The following MYO3B variants were observed in gnomAD, a reference collection of about 807,000 sequenced individuals.
MYO3B encodes the protein myosin-IIIb.
A neutral mutation model predicts 174.6 loss-of-function variants in MYO3B; 156 were observed. That is an observed-to-expected ratio of 0.89 (90% CI 0.78 to 1.02). The LOEUF (loss-of-function observed/expected upper bound fraction) is 1.02. MYO3B is among the 50% of genes least tolerant of loss of function. MYO3B has a pLI of 0.00. For missense variants in MYO3B, 1,632 were observed against 1,639.4 expected, an observed-to-expected ratio of 1.00 and a Z score of 0.08; for synonymous variants, 563 against 569.1, an observed-to-expected ratio of 0.99 and a Z score of 0.15.
intron 32 of MYO3B, among the ~76,000 whole-genome samples, chr2:170,570,064 G>T (rs904386447): frequency 1.3e-5 from 2 of 152,158 alleles, no homozygotes; most frequent in Non-Finnish European, 2.9e-5. Flanking sequence ...AACTAGAAGA[G>T]GGTTAAGGAG....
chr2:170,546,974 C>G (rs1403050575), intron 32 of MYO3B, among the ~76,000 whole-genome samples: 1 of 152,120 alleles, frequency 6.6e-6, no homozygotes, highest in Admixed American at 6.6e-5. Flanking sequence ...AGAGCAGCCA[C>G]TCAAATAAGT....
At chr2:170,554,560 C>T (rs1336120733) in intron 32 of MYO3B, among the ~76,000 whole-genome samples, 2 of 152,224 alleles carry the variant, frequency 1.3e-5, no homozygotes, top group Admixed American at 6.5e-5. Context: ...TCAGGAAAAA[C>T]CTTTCACAGC....
At chr2:170,234,366 C>T (rs1559322308) in intron 6 of MYO3B, among the ~76,000 whole-genome samples, 1 of 152,088 alleles carries the variant, frequency 6.6e-6, no homozygotes, top group South Asian at 2.1e-4. Flanking sequence ...CATACTATGT[C>T]CTCACATGGC....
intron 33 of MYO3B, 59 bp downstream of exon 33, chr2:170,651,793 G>A: frequency 1.4e-6 from 2 of 1,421,868 alleles, no homozygotes; most frequent in Middle Eastern, 1.8e-4. Context: ...TAATAATTCT[G>A]TTATTACTAC....
Position 170,515,118 on chromosome 2 carries a change from C to G in MYO3B, c.3472+96C>G. ...AAGTGATCACCTCTTATATAAGAACCTTCTGTCCACCACTCCTTCTTTTTT... is the reference window on the plus strand; with the variant it reads ...AAGTGATCACCTCTTATATAAGAACGTTCTGTCCACCACTCCTTCTTTTTT... On this transcript the variant is annotated intron_variant, in intron 29 of 34. Coordinates refer to ENST00000408978, the MANE Select transcript of MYO3B (RefSeq NM_138995.5). The G allele has an allele frequency of 3.1e-6, 3 of 982,148 alleles. No individual in the cohort carries two copies. The East Asian group carries it at 7.9e-5, about 26-fold the overall frequency. The allele number at this position is 982,148 out of a possible 1,614,324, so 60.8% of individuals were successfully genotyped here.
intron 6 of MYO3B, among the ~76,000 whole-genome samples, chr2:170,233,978 C>T (rs1389101649): frequency 6.6e-6 from 1 of 151,454 alleles, no homozygotes; most frequent in Non-Finnish European, 1.5e-5. Context: ...GAGACCATCC[C>T]GGCTATAACG....
chr2:170,571,288 C>T (rs75598319), intron 32 of MYO3B, among the ~76,000 whole-genome samples: 1,983 of 152,176 alleles, frequency 0.013, 30 homozygotes, highest in East Asian at 0.047. Flanking sequence ...GTTATGTACA[C>T]GATGAAATGG....
intron 25 of MYO3B, among the ~76,000 whole-genome samples, chr2:170,483,899 T>C (rs1388569889): frequency 6.6e-6 from 1 of 152,084 alleles, no homozygotes; most frequent in Non-Finnish European, 1.5e-5. Context: ...TTGGAATCCC[T>C]CCCAACATGG....
intron 32 of MYO3B, among the ~76,000 whole-genome samples, chr2:170,572,044 G>A (rs1001441893): frequency 6.6e-6 from 1 of 152,150 alleles, no homozygotes; most frequent in Admixed American, 6.6e-5. Context: ...AGGAGCAGTG[G>A]CTCACCTCCT....
chr2:170,384,004 A>G, intron 12 of MYO3B, 190 bp downstream of exon 12: 2 of 523,720 alleles, frequency 3.8e-6, no homozygotes, highest in Non-Finnish European at 6.8e-6. Flanking sequence ...AGAATGTGAA[A>G]ATGCTTTTCA....
intron 16 of MYO3B, among the ~76,000 whole-genome samples, chr2:170,398,067 C>A (rs1406597096): frequency 6.6e-6 from 1 of 151,598 alleles, no homozygotes; most frequent in African/African-American, 2.4e-5. Context: ...ACTAAAAATA[C>A]AAAAATTTAG....
At chr2:170,261,386 A>T (rs2093345134) in intron 7 of MYO3B, among the ~76,000 whole-genome samples, 1 of 152,164 alleles carries the variant, frequency 6.6e-6, no homozygotes, top group South Asian at 2.1e-4. Flanking sequence ...CTACCAAAAA[A>T]CAAAACAAAA....
intron 6 of MYO3B, among the ~76,000 whole-genome samples, chr2:170,221,996 C>G (rs764821189): frequency 6.6e-6 from 1 of 152,170 alleles, no homozygotes; most frequent in Admixed American, 6.5e-5. Flanking sequence ...TTATCATGAG[C>G]AAAATAACTT....
intron 24 of MYO3B, among the ~76,000 whole-genome samples, chr2:170,464,346 A>G (rs1684487710): frequency 9.1e-5 from 1 of 10,940 alleles, no homozygotes; most frequent in Non-Finnish European, 5.6e-4. Context: ...CTCCCTCTCA[A>G]AAAAAAAAAA....
In MYO3B at chr2:170,392,395, A is replaced by T. The variant is rs1193795922; in HGVS notation, c.1691A>T (p.Glu564Val). 6.3e-7 allele frequency: 1 copy of T among 1,598,972 alleles called. No homozygotes were observed. Among genetic ancestry groups the T allele is most frequent in the Non-Finnish European group, 8.5e-7 (1 of 1,170,784 alleles). The change falls in exon 16 of 35, where the codon GAA becomes GTA. Residue 564 changes from glutamate (E) to valine (V), a missense_variant. Glu to Val is a moderately radical substitution (Grantham distance 121). Transcript: ENST00000408978. ...EEKPPRYIAD[E>V]TGRVMHDITS... is the part of the protein sequence containing the mutation. Reference sequence around the variant, plus strand: ...ACTTCATTTAGGTACATAGCTGATGAAACTGGAAGGGTGATGCACGACATA... The same window carrying T: ...ACTTCATTTAGGTACATAGCTGATGTAACTGGAAGGGTGATGCACGACATA...
At chr2:170,634,130 A>G (rs1328205537) in intron 32 of MYO3B, among the ~76,000 whole-genome samples, 1 of 152,222 alleles carries the variant, frequency 6.6e-6, no homozygotes, top group Non-Finnish European at 1.5e-5. Flanking sequence ...TAAAGTTCAT[A>G]TGGAAACAAA....
rs750339497 is a variant in MYO3B, at chr2:170,387,186, C to T, written c.1455C>T (p.Ile485=). Reference sequence around the variant, plus strand: ...CCTTTGGGAACTCATGCACTGCCATCAATGACAACTCGAGCCGTTTTGGAA... The same window carrying T: ...CCTTTGGGAACTCATGCACTGCCATTAATGACAACTCGAGCCGTTTTGGAA... ...VEAFGNSCTA[I]NDNSSRFGKY... is the part of the protein sequence containing the mutation. Residue 485 remains isoleucine (I), a synonymous_variant, in exon 14 of 35, where the codon ATC becomes ATT. Coordinates refer to ENST00000408978, the MANE Select transcript of MYO3B (RefSeq NM_138995.5). 6.2e-6 allele frequency: 10 copies of T among 1,614,004 alleles called. No individual in the cohort carries two copies. In the Admixed American group the frequency reaches 1.7e-4, roughly 27 times the overall value.
rs530300844 is a variant in MYO3B, at chr2:170,574,584, A to C, written c.3733+30596A>C. ...GAAACACATGGATCTAATTTTAAGA[A>C]TGTAACGCAAGGATGAAATACTCTT... On this transcript the variant is annotated intron_variant, in intron 32 of 34. Transcript: ENST00000408978. Among the ~76,000 whole-genome samples, 5 of 152,320 alleles carry C rather than the reference A, an allele frequency of 3.3e-5. No homozygotes were observed. In the South Asian group the frequency reaches 1.0e-3, roughly 32 times the overall value.
chr2:170,240,514 A>C (rs1334411687), intron 7 of MYO3B, among the ~76,000 whole-genome samples: 1 of 152,194 alleles, frequency 6.6e-6, no homozygotes, highest in Non-Finnish European at 1.5e-5. Flanking sequence ...AATGATTTGA[A>C]TCTGAGAAGT....
Sources: gnomAD v4.1 joint callset for allele counts (sites outside exome capture counted in the v4.1 genomes callset) on GRCh38, gnomAD v4.1.1 for gene constraint, MANE v1.5 for transcripts, NCBI Gene and HGNC (gene_info 2026-07-23, HGNC 2026-07-21) for gene names.